EMX1: variants seen among roughly 807,000 people sequenced by gnomAD.
EMX1 encodes empty spiracles homeobox 1.
EMX1 carries 10 observed loss-of-function variants against 20.1 expected under a neutral mutation model. That is an observed-to-expected ratio of 0.50 (90% CI 0.31 to 0.84). The LOEUF is 0.84. Among genes scored for constraint, EMX1 ranks in the 40% least tolerant of loss-of-function variants. The probability of loss-of-function intolerance (pLI) is 0.05; values close to 1 mark genes in which losing one functional copy is unlikely to be tolerated. For synonymous variants in EMX1, 250 were observed against 200.4 expected (o/e 1.25, Z -2.09); for missense variants, 424 against 431.9 (o/e 0.98, Z 0.16).
At chr2:72,926,077 C>A (rs79015600) in intron 2 of EMX1, 14,677 of 982,910 alleles carry the variant, frequency 0.015, 124 homozygotes, top group Non-Finnish European at 0.016. Context: ...TAATTAACTT[C>A]ATTTAAACAG....
In EMX1 at chr2:72,934,234, T is replaced by C; in HGVS notation, c.*280T>C. ...CCAGCTGCTCTCCGTGTCTCCAATC[T>C]CCCTTTTGTTTTGATGCATTTCTGT... On this transcript the variant is annotated 3_prime_UTR_variant, in exon 3 of 3. Transcript: ENST00000258106. 2.2e-6 allele frequency: 1 copy of C among 451,706 alleles called. No homozygotes were observed. Among genetic ancestry groups the C allele is most frequent in the Non-Finnish European group, 3.9e-6 (1 of 253,436 alleles). 28.0% of individuals were successfully genotyped at this position (451,706 alleles called of 1,614,324 possible). A position where few individuals can be genotyped will look rare whatever the true frequency, so the allele number is the denominator to read the frequency against.
In EMX1 at chr2:72,917,547, G is replaced by A. The variant is rs965084173; in HGVS notation, c.-306G>A. On this transcript the variant is annotated 5_prime_UTR_variant, in exon 1 of 3. Coordinates refer to ENST00000258106, the MANE Select transcript of EMX1 (RefSeq NM_004097.3). ...TCGCGCCTCGCAGCGCTGGGCGGCC[G>A]GGGCTGGGCAGGGCAGTGCGGGGAC... is the stretch of plus-strand genomic sequence containing the variant. 10 of 194,460 alleles carry A rather than the reference G, an allele frequency of 5.1e-5. No homozygotes were observed. Among genetic ancestry groups the A allele is most frequent in the Non-Finnish European group, 9.3e-5 (9 of 96,964 alleles). The allele number at this position is 194,460 out of a possible 1,614,324, so 12.0% of individuals were successfully genotyped here.
chr2:72,931,507 G>A (rs1466293680), intron 2 of EMX1, among the ~76,000 whole-genome samples: 8 of 152,036 alleles, frequency 5.3e-5, no homozygotes, highest in East Asian at 1.9e-4. Context: ...GAGCTCACCC[G>A]CCCACTGACT....
chr2:72,931,066 T>TTC (rs2105271222), intron 2 of EMX1, among the ~76,000 whole-genome samples: 1 of 152,318 alleles, frequency 6.6e-6, no homozygotes, highest in African/African-American at 2.4e-5. Flanking sequence ...CCCAAGGCTG[T>TTC]TCTCCGGAAG....
chr2:72,929,287 A>G (rs1421529103), intron 2 of EMX1, among the ~76,000 whole-genome samples: 3 of 152,190 alleles, frequency 2.0e-5, no homozygotes, highest in Admixed American at 2.0e-4. Context: ...GCTGGGACCA[A>G]CATGTCCTGA....
At chr2:72,927,994 G>T (rs978040242) in intron 2 of EMX1, among the ~76,000 whole-genome samples, 1 of 152,166 alleles carries the variant, frequency 6.6e-6, no homozygotes, top group African/African-American at 2.4e-5. Flanking sequence ...TTCTCGGAGG[G>T]TTACTCAGAT....
rs376419172 is a variant in EMX1, at chr2:72,918,248, G to A, written c.396G>A (p.Pro132=). 7 of 1,579,354 alleles carry A rather than the reference G, an allele frequency of 4.4e-6. No homozygotes were observed. Among genetic ancestry groups the A allele is most frequent in the Non-Finnish European group, 6.0e-6 (7 of 1,173,126 alleles). Residue 132 remains proline (P), a synonymous_variant, in exon 1 of 3, where the codon CCG becomes CCA. Coordinates refer to ENST00000258106, the MANE Select transcript of EMX1 (RefSeq NM_004097.3). The part of the protein sequence containing the change: ...AMNHPALTVH[P]AHQLGASPLQ... ...ACCACCCCGCGCTGACCGTGCATCC[G>A]GCGCACCAGCTGGGCGCCTCCCCGC...
chr2:72,924,049 G>A (rs1400938556), intron 1 of EMX1: 1 of 583,544 alleles, frequency 1.7e-6, no homozygotes, highest in East Asian at 2.9e-5. Context: ...CTTAACAGAG[G>A]GATCTGGAGA....
chr2:72,916,518 G>C (rs562090378), upstream of EMX1: 1,307 of 599,256 alleles, frequency 2.2e-3, 4 homozygotes, highest in Non-Finnish European at 2.3e-3. Context: ...GGGAGTCCCG[G>C]CTCTCACAGC....
chr2:72,917,702 C>T lies in EMX1; in HGVS notation c.-151C>T. 4.2e-6 allele frequency: 3 copies of T among 717,758 alleles called. No homozygotes were observed. The highest frequency in any genetic ancestry group is 5.5e-6 in the Non-Finnish European group (3 of 543,978). 44.5% of individuals were successfully genotyped at this position (717,758 alleles called of 1,614,324 possible). A position where few individuals can be genotyped will look rare whatever the true frequency, so the allele number is the denominator to read the frequency against. ...TGCGGGCGCCTGGAGCTGCCCGCTCCGCCGCAGCAGCCGCCGCGCCTGGCC... is the reference window on the plus strand; with the variant it reads ...TGCGGGCGCCTGGAGCTGCCCGCTCTGCCGCAGCAGCCGCCGCGCCTGGCC... On this transcript the variant is annotated 5_prime_UTR_variant, in exon 1 of 3. Transcript: ENST00000258106.
At chr2:72,925,299 G>A in intron 2 of EMX1, 10 of 1,019,978 alleles carry the variant, frequency 9.8e-6, no homozygotes, top group Non-Finnish European at 1.2e-5. Context: ...TAGTGTTTTT[G>A]TAACTGATCG....
At chr2:72,918,575 A>G (rs1192221923) in intron 1 of EMX1, among the ~76,000 whole-genome samples, 1 of 152,238 alleles carries the variant, frequency 6.6e-6, no homozygotes, top group Non-Finnish European at 1.5e-5. Flanking sequence ...CCAGGAAAGC[A>G]GGTGGAGACC....
Position 72,917,740 on chromosome 2 carries a change from C to A in EMX1, c.-113C>A. 9.5e-7 allele frequency: 1 copy of A among 1,047,532 alleles called. No individual in the cohort carries two copies. Among genetic ancestry groups the A allele is most frequent in the Non-Finnish European group, 1.2e-6 (1 of 831,894 alleles). 64.9% of individuals were successfully genotyped at this position (1,047,532 alleles called of 1,614,324 possible). On this transcript the variant is annotated 5_prime_UTR_variant, in exon 1 of 3. Coordinates refer to ENST00000258106, the MANE Select transcript of EMX1 (RefSeq NM_004097.3). ...GCCGCGCCTGGCCGTACGCTGTGGCCGGACCCCGCGGTCGCTCGCTCACAC... is the reference window on the plus strand; with the variant it reads ...GCCGCGCCTGGCCGTACGCTGTGGCAGGACCCCGCGGTCGCTCGCTCACAC...
In EMX1 at chr2:72,924,612, C is replaced by T. The variant is rs1268141115; in HGVS notation, c.705+119C>T. 3.3e-6 allele frequency: 4 copies of T among 1,230,020 alleles called. No homozygotes were observed. The African/African-American group carries it at 6.1e-5, about 19-fold the overall frequency. The allele number at this position is 1,230,020 out of a possible 1,614,324, so 76.2% of individuals were successfully genotyped here. On this transcript the variant is annotated intron_variant, in intron 2 of 2. Coordinates refer to ENST00000258106, the MANE Select transcript of EMX1 (RefSeq NM_004097.3). Reference sequence around the variant, plus strand: ...CCAGCCCTGCTGGGTTCCAAAAGGCCCCCATTCCCCGCGGCGCTGCGGTCA... The same window carrying T: ...CCAGCCCTGCTGGGTTCCAAAAGGCTCCCATTCCCCGCGGCGCTGCGGTCA...
In EMX1 at chr2:72,918,115, C is replaced by G; in HGVS notation, c.263C>G (p.Pro88Arg). 2.0e-6 allele frequency: 3 copies of G among 1,478,450 alleles called. No individual in the cohort carries two copies. Among genetic ancestry groups the G allele is most frequent in the South Asian group, 1.3e-5 (1 of 76,974 alleles). 91.6% of individuals were successfully genotyped at this position (1,478,450 alleles called of 1,614,324 possible). Residue 88 changes from proline to arginine, a missense_variant, in exon 1 of 3, where the codon CCC becomes CGC. Pro to Arg is a moderately radical substitution (Grantham distance 103). Transcript: ENST00000258106. ...LRPTALNYPH[P>R]SAAEAAFVSG... is the part of the protein sequence containing the mutation. ...CCCACGGCGCTCAACTACCCTCACC[C>G]CAGCGCGGCCGAGGCGGCCTTCGTG...
intron 2 of EMX1, among the ~76,000 whole-genome samples, chr2:72,931,295 C>G (rs1671275966): frequency 6.6e-6 from 1 of 152,252 alleles, no homozygotes; most frequent in Admixed American, 6.5e-5. Context: ...GCCCGTCCCA[C>G]TACAGGCCAA....
chr2:72,933,389 C>A (rs1671314949), intron 2 of EMX1: 2 of 182,006 alleles, frequency 1.1e-5, no homozygotes, highest in East Asian at 3.0e-4. Context: ...CTACTCACAT[C>A]CACTCTGTGA....
In EMX1 at chr2:72,918,129, G is replaced by C. The variant is rs1375206178; in HGVS notation, c.277G>C (p.Ala93Pro). The C allele has an allele frequency of 6.0e-6, 9 of 1,488,242 alleles. No individual in the cohort carries two copies. The highest frequency in any genetic ancestry group is 8.0e-6 in the Non-Finnish European group (9 of 1,130,956). 92.2% of individuals were successfully genotyped at this position (1,488,242 alleles called of 1,614,324 possible). The part of the protein sequence containing the change: ...LNYPHPSAAE[A>P]AFVSGFPAAA... ...CTACCCTCACCCCAGCGCGGCCGAG[G>C]CGGCCTTCGTGAGTGGCTTCCCTGC... Residue 93 changes from alanine (A) to proline (P), a missense_variant, in exon 1 of 3, where the codon GCG (alanine) becomes CCG (proline). Around this residue, in one of 2 missense-constraint regions of EMX1, gnomAD observed 333 missense variants for 296.6 expected, o/e 1.12. Coordinates refer to ENST00000258106, the MANE Select transcript of EMX1 (RefSeq NM_004097.3).
intron 1 of EMX1, among the ~76,000 whole-genome samples, chr2:72,918,639 C>T (rs143749863): frequency 1.2e-4 from 18 of 152,384 alleles, no homozygotes; most frequent in African/African-American, 3.6e-4. Flanking sequence ...GGCGCGTCCT[C>T]GGAGCCTGTG....
Sources: gnomAD v4.1 joint callset for allele counts (sites outside exome capture counted in the v4.1 genomes callset) on GRCh38, gnomAD v4.1.1 for gene constraint, gnomAD v4.1.1 regional missense constraint, MANE v1.5 for transcripts, NCBI Gene and HGNC (gene_info 2026-07-23, HGNC 2026-07-21) for gene names.